The following ADAMTS12 variants were observed in gnomAD, a reference collection of about 807,000 sequenced individuals.
ADAMTS12 encodes A disintegrin and metalloproteinase with thrombospondin motifs 12.
In ADAMTS12, 118 loss-of-function variants were observed where a neutral mutation model predicts 167.8. That is an observed-to-expected ratio of 0.70 (90% CI 0.61 to 0.82). ADAMTS12 has a LOEUF of 0.82. Ranked by LOEUF, ADAMTS12 falls within the 40% of genes least tolerant of loss-of-function variation. The probability of loss-of-function intolerance (pLI) is 0.00; values close to 1 mark genes in which losing one functional copy is unlikely to be tolerated. For missense variants in ADAMTS12, 1,916 were observed against 1,998.8 expected, an observed-to-expected ratio of 0.96 and a Z score of 0.79; for synonymous variants, 704 against 716.9, an observed-to-expected ratio of 0.98 and a Z score of 0.29.
chr5:33,532,016 C>T (rs1744127945), intron 23 of ADAMTS12, among the ~76,000 whole-genome samples: 1 of 152,160 alleles, frequency 6.6e-6, no homozygotes, highest in Non-Finnish European at 1.5e-5. Flanking sequence ...ACAATGAAGG[C>T]TTGTTGTGTT....
intron 13 of ADAMTS12, among the ~76,000 whole-genome samples, chr5:33,626,256 G>C (rs754586572): frequency 4.0e-5 from 6 of 151,780 alleles, no homozygotes. Context: ...GTGGGGGGCA[G>C]GATGGTGGTA....
chr5:33,750,030 A>G (rs1744922982), intron 3 of ADAMTS12, among the ~76,000 whole-genome samples: 1 of 152,214 alleles, frequency 6.6e-6, no homozygotes, highest in Non-Finnish European at 1.5e-5. Context: ...ATAAAATCAC[A>G]AAGTGTTCCC....
intron 3 of ADAMTS12, 161 bp downstream of exon 3, chr5:33,751,242 TG>T: frequency 1.1e-6 from 1 of 875,202 alleles, no homozygotes; most frequent in Non-Finnish European, 1.7e-6. Context: ...GTACACTTTC[TG>T]GCAAGAGAAT....
At chr5:33,579,947 T>G (rs1308989151) in intron 18 of ADAMTS12, among the ~76,000 whole-genome samples, 1 of 152,246 alleles carries the variant, frequency 6.6e-6, no homozygotes, top group East Asian at 1.9e-4. Context: ...AGGTGTGACG[T>G]GAGCAGCTGT....
chr5:33,787,014 T>G (rs979503605), intron 2 of ADAMTS12, among the ~76,000 whole-genome samples: 3 of 126,498 alleles, frequency 2.4e-5, no homozygotes, highest in Admixed American at 7.4e-5. Flanking sequence ...ATATTAGTCA[T>G]GAAATAACCT....
intron 1 of ADAMTS12, among the ~76,000 whole-genome samples, chr5:33,886,616 C>T (rs1267562952): frequency 6.6e-6 from 1 of 152,162 alleles, no homozygotes; most frequent in Non-Finnish European, 1.5e-5. Context: ...ACAAGAAGTG[C>T]TTCACCTCTT....
intron 3 of ADAMTS12, among the ~76,000 whole-genome samples, chr5:33,725,985 G>T (rs143962577): frequency 1.3e-5 from 2 of 152,294 alleles, no homozygotes; most frequent in African/African-American, 4.8e-5. Flanking sequence ...CTCTTCTACT[G>T]TAAAACCAAG....
chr5:33,797,225 AGACCTTGAGTGGTCAAGGGTCTGTAATC>A (rs1746809229), intron 2 of ADAMTS12, among the ~76,000 whole-genome samples: 2 of 152,226 alleles, frequency 1.3e-5, no homozygotes, highest in Non-Finnish European at 2.9e-5. Flanking sequence ...TCACTTTTAC[AGACCTTGAGTGGTCAAGGGTCTGTAATC>A]TTCCTGGCCA....
chr5:33,775,488 A>G (rs2112432330), intron 2 of ADAMTS12, among the ~76,000 whole-genome samples: 1 of 152,302 alleles, frequency 6.6e-6, no homozygotes, highest in Admixed American at 6.5e-5. Flanking sequence ...AAATATGCAA[A>G]GTTTCTTCCA....
At chr5:33,579,022 T>C (rs1419973095) in intron 18 of ADAMTS12, among the ~76,000 whole-genome samples, 3 of 152,188 alleles carry the variant, frequency 2.0e-5, no homozygotes, top group African/African-American at 7.2e-5. Flanking sequence ...ACTGCAAGTG[T>C]CAGAGCCCAA....
intron 6 of ADAMTS12, among the ~76,000 whole-genome samples, chr5:33,660,174 T>C (rs1741204414): frequency 6.6e-6 from 1 of 152,158 alleles, no homozygotes; most frequent in African/African-American, 2.4e-5. Context: ...CACACTTTTA[T>C]GCAAACAGAC....
At position 33,881,488 on chromosome 5, in the gene ADAMTS12, A is replaced by G; in HGVS notation, c.128-8T>C. On this transcript the variant is annotated splice_region_variant and splice_polypyrimidine_tract_variant and intron_variant, in intron 1 of 23. Transcript: ENST00000504830. ...GGCCCTTGATAAAATGCTCTGAAAG[A>G]AAAGGAGAAATGGAAGAACAGTGAG... 6.2e-7 allele frequency: 1 copy of G among 1,607,652 alleles called. No homozygotes were observed. Among genetic ancestry groups the G allele is most frequent in the Non-Finnish European group, 8.5e-7 (1 of 1,178,580 alleles).
intron 16 of ADAMTS12, among the ~76,000 whole-genome samples, chr5:33,604,657 C>A (rs1438617984): frequency 6.6e-6 from 1 of 151,918 alleles, no homozygotes; most frequent in South Asian, 2.1e-4. Context: ...CCTGCTGGCT[C>A]CATCACTTTA....
chr5:33,804,883 A>G (rs933689722), intron 2 of ADAMTS12, among the ~76,000 whole-genome samples: 7 of 152,142 alleles, frequency 4.6e-5, no homozygotes, highest in African/African-American at 1.7e-4. Context: ...CCAAGAAATC[A>G]TAGTAAGAAA....
rs1554026388 is a variant in ADAMTS12, at chr5:33,607,216, C to CAATGCAATG, written c.2527+7021_2527+7022insCATTGCATT. Among the ~76,000 whole-genome samples, 170 of 151,516 alleles carry CAATGCAATG rather than the reference C, an allele frequency of 1.1e-3. 1 individual carries two copies. Among genetic ancestry groups the CAATGCAATG allele is most frequent in the African/African-American group, 3.8e-3 (159 of 41,342 alleles). ...TTCCATTCAGCACTCTGTGACAGGCCCAATGCAATGCAATGCAATGCAATG... is the reference window on the plus strand; with the variant it reads ...TTCCATTCAGCACTCTGTGACAGGCCAATGCAATGCAATGCAATGCAATGCAATGCAATG... On this transcript the variant is annotated intron_variant, in intron 16 of 23. Transcript: ENST00000504830.
chr5:33,742,573 C>T (rs1306313064), intron 3 of ADAMTS12, among the ~76,000 whole-genome samples: 1 of 152,148 alleles, frequency 6.6e-6, no homozygotes, highest in East Asian at 1.9e-4. Flanking sequence ...CTCATACCTG[C>T]AGCACCACAC....
rs1433556503 is a variant in ADAMTS12, at chr5:33,576,178, G to C, written c.3848C>G (p.Pro1283Arg). The C allele has an allele frequency of 1.9e-6, 3 of 1,614,192 alleles. No homozygotes were observed. In the South Asian group the frequency reaches 3.3e-5, roughly 18 times the overall value. Residue 1283 changes from proline (P) to arginine (R), a missense_variant, in exon 19 of 24, where the codon CCA becomes CGA. Physicochemically the swap from Pro to Arg is moderately radical, Grantham distance 103. Coordinates refer to ENST00000504830, the MANE Select transcript of ADAMTS12 (RefSeq NM_030955.4). ...TGTTGCATCCTCCTCAGTCAGGACT[G>C]GTTCAGAACTTTTTGTTTGGTTCAT... ...NNMNQTKSSE[P>R]VLTEEDATSL...
At chr5:33,734,395 A>G (rs561785817) in intron 3 of ADAMTS12, among the ~76,000 whole-genome samples, 2 of 152,352 alleles carry the variant, frequency 1.3e-5, no homozygotes, top group African/African-American at 4.8e-5. Context: ...GAGCAGTAAC[A>G]TTAGCAGAAA....
At chr5:33,847,623 C>CA (rs34289930) in intron 2 of ADAMTS12, among the ~76,000 whole-genome samples, 4,334 of 132,244 alleles carry the variant, frequency 0.033, 182 homozygotes, top group East Asian at 0.21. Flanking sequence ...AACTCCATCT[C>CA]AAAAAAAAAA....
Sources: allele counts gnomAD v4.1 joint callset (sites outside exome capture counted in the v4.1 genomes callset), GRCh38; gene constraint gnomAD v4.1.1; transcripts MANE v1.5; gene names NCBI Gene and HGNC (gene_info 2026-07-23, HGNC 2026-07-21).